DISP3: variants seen among roughly 807,000 people sequenced by gnomAD.
DISP3 encodes the protein dispatched RND transporter family member 3.
Under a neutral mutation model 135.3 loss-of-function variants are expected in DISP3, and 101 were observed. The ratio of observed to expected loss-of-function variants is 0.75; its 90% CI spans 0.64 to 0.88. The LOEUF (loss-of-function observed/expected upper bound fraction) is 0.88. DISP3 is among the 40% of genes least tolerant of loss of function. The pLI, the probability that DISP3 is intolerant of heterozygous loss-of-function variation, is 0.00. For missense variants in DISP3, 1,713 were observed against 1,878.6 expected, an observed-to-expected ratio of 0.91 and a Z score of 1.63; for synonymous variants, 856 against 817.0, an observed-to-expected ratio of 1.05 and a Z score of -0.81.
intron 3 of DISP3, among the ~76,000 whole-genome samples, chr1:11,513,888 G>T (rs1403789421): frequency 6.6e-6 from 1 of 151,466 alleles, no homozygotes; most frequent in Non-Finnish European, 1.5e-5. Flanking sequence ...CTCCATCTTG[G>T]CCAGAAGCAG....
At chr1:11,518,900 A>G (rs1052645327) in intron 7 of DISP3, among the ~76,000 whole-genome samples, 2 of 152,152 alleles carry the variant, frequency 1.3e-5, no homozygotes, top group African/African-American at 4.8e-5. Context: ...TCTGGTGCCC[A>G]GTCCCTAGGT....
chr1:11,512,989 C>T (rs190818978), intron 3 of DISP3, among the ~76,000 whole-genome samples: 9 of 152,186 alleles, frequency 5.9e-5, no homozygotes, highest in African/African-American at 9.6e-5. Flanking sequence ...AAGTCTAGCA[C>T]GGGAAAGACC....
At chr1:11,526,201 G>A (rs897761536) in intron 12 of DISP3, among the ~76,000 whole-genome samples, 3 of 152,160 alleles carry the variant, frequency 2.0e-5, no homozygotes, top group African/African-American at 7.2e-5. Context: ...TCAGCTTCGT[G>A]CGTGGCTGAC....
rs768397889 is a variant in DISP3, at chr1:11,501,367, G to A, written c.375G>A (p.Ala125=). Residue 125 remains alanine, a synonymous_variant, in exon 2 of 21, where the codon GCG becomes GCA. Transcript: ENST00000294484. The surrounding 1 kb of genome is among the most constrained non-coding windows in gnomAD (Gnocchi z 4.9). ...ASQRFDALTL[A]LKSQFGSWGR... The stretch of plus-strand genomic sequence containing the variant: ...AGCGTTTCGACGCTCTCACTCTGGC[G>A]CTTAAGTCCCAGTTTGGATCCTGGG... 6.2e-6 allele frequency: 10 copies of A among 1,611,038 alleles called. No individual in the cohort carries two copies. In the South Asian group the frequency reaches 9.9e-5, roughly 16 times the overall value.
At chr1:11,497,889 C>G (rs1206666814) in intron 1 of DISP3, among the ~76,000 whole-genome samples, 1 of 152,194 alleles carries the variant, frequency 6.6e-6, no homozygotes, top group Non-Finnish European at 1.5e-5. Flanking sequence ...TCATCGGAGA[C>G]TCCTTTTCCT....
At chr1:11,510,542 T>C (rs1641829306) in intron 3 of DISP3, among the ~76,000 whole-genome samples, 7 of 152,212 alleles carry the variant, frequency 4.6e-5, no homozygotes, top group Admixed American at 6.5e-5. Flanking sequence ...GTTTAAACTG[T>C]CAATTATCTT....
At position 11,533,841 on chromosome 1, in the gene DISP3, T is replaced by TC. The variant is rs569785391; in HGVS notation, c.3376-539dup. On this transcript the variant is annotated intron_variant, in intron 17 of 20. Transcript: ENST00000294484. ...TTTTAGAGCAGGGTGAGTGCCTATT[T>TC]CTCTCATTCATCATCCATGAGCACC... is the stretch of plus-strand genomic sequence containing the variant. 2.0e-4 allele frequency: 143 copies of TC among 717,834 alleles called. 1 individual carries two copies. The East Asian group carries it at 3.8e-3, about 19-fold the overall frequency. 44.5% of individuals were successfully genotyped at this position (717,834 alleles called of 1,614,324 possible). A position where few individuals can be genotyped will look rare whatever the true frequency, so the allele number is the denominator to read the frequency against.
Position 11,499,527 on chromosome 1 carries a change from A to T in DISP3, c.-3-1463A>T, listed in dbSNP as rs1279133032. ...TCGTGTTAGGGCGTTGCAAATGGGA[A>T]GTTTAATTATTTCATTAATACGAAT... On this transcript the variant is annotated intron_variant, in intron 1 of 20. Transcript: ENST00000294484. This position sits in a 1 kb window ranked among gnomAD's most constrained non-coding sequence, Gnocchi z 5.2. Among the ~76,000 whole-genome samples, 1 of 152,114 alleles carries T rather than the reference A, an allele frequency of 6.6e-6. No homozygotes were observed. The highest frequency in any genetic ancestry group is 1.5e-5 in the Non-Finnish European group (1 of 68,034).
intron 3 of DISP3, 31 bp downstream of exon 3, chr1:11,502,928 A>C (rs373705516): frequency 6.4e-7 from 1 of 1,556,444 alleles, no homozygotes; most frequent in Non-Finnish European, 8.8e-7. Flanking sequence ...CTGTGTGTGC[A>C]TGCCCATTTT....
intron 1 of DISP3, among the ~76,000 whole-genome samples, chr1:11,485,839 G>A (rs1641023769): frequency 6.6e-6 from 1 of 152,202 alleles, no homozygotes; most frequent in Non-Finnish European, 1.5e-5. Context: ...AGTGCAGAGA[G>A]TCTAAGCAGC....
intron 1 of DISP3, among the ~76,000 whole-genome samples, chr1:11,480,043 A>G (rs1640851741): frequency 6.6e-6 from 1 of 152,176 alleles, no homozygotes; most frequent in Non-Finnish European, 1.5e-5. Flanking sequence ...GGGTCGGGAA[A>G]GATTCCCAGC....
At position 11,524,033 on chromosome 1, in the gene DISP3, C is replaced by A. The variant is rs1378185662; in HGVS notation, c.2454C>A (p.Ser818Arg). 6.2e-7 allele frequency: 1 copy of A among 1,612,502 alleles called. No homozygotes were observed. The highest frequency in any genetic ancestry group is 1.3e-5 in the African/African-American group (1 of 74,836). The stretch of plus-strand genomic sequence containing the variant: ...GAGGCTCAGGGGTCCCCTGGGCTAG[C>A]CGGCCTGAGGCCACCCTGCAGGGTG... ...KRRGSGVPWA[S>R]RPEATLQDFP... The change falls in exon 11 of 21, where the codon AGC (serine) becomes AGA (arginine). Residue 818 changes from serine (S) to arginine (R), a missense_variant. Physicochemically the swap from Ser to Arg is moderately radical, Grantham distance 110. Transcript: ENST00000294484.
chr1:11,517,657 A>C, intron 7 of DISP3, 55 bp downstream of exon 7: 2 of 1,595,806 alleles, frequency 1.3e-6, no homozygotes, highest in Non-Finnish European at 1.7e-6. Context: ...GGCCTCTATG[A>C]GCCACTCAGT....
chr1:11,528,184 G>A (rs1019710067), intron 13 of DISP3, among the ~76,000 whole-genome samples: 2 of 152,216 alleles, frequency 1.3e-5, no homozygotes, highest in Non-Finnish European at 2.9e-5. Context: ...TGCCCCTTCT[G>A]CTGGAAGGAG....
Position 11,529,706 on chromosome 1 carries a change from G to A in DISP3, c.2929+20G>A. 1 of 1,601,654 alleles carries A rather than the reference G, an allele frequency of 6.2e-7. No homozygotes were observed. Among genetic ancestry groups the A allele is most frequent in the South Asian group, 1.1e-5 (1 of 90,646 alleles). On this transcript the variant is annotated intron_variant, in intron 14 of 20. Coordinates refer to ENST00000294484, the MANE Select transcript of DISP3 (RefSeq NM_020780.2). The surrounding 1 kb of genome is among the most constrained non-coding windows in gnomAD (Gnocchi z 4.7). ...AGAAAGGTACGGCAAGGGCACACAG[G>A]TGGGGACCTCAAGAGCTGAGACCTC...
intron 7 of DISP3, among the ~76,000 whole-genome samples, chr1:11,518,166 T>G (rs1642066464): frequency 6.6e-6 from 1 of 151,924 alleles, no homozygotes; most frequent in Non-Finnish European, 1.5e-5. Flanking sequence ...CAGGCCTGGG[T>G]GGCTGCCTGG....
chr1:11,516,490 C>T lies in DISP3; in HGVS notation c.1749+329C>T, dbSNP rs1238172909. Reference sequence around the variant, plus strand: ...AATTGACAAAGGTACAATTACCATCCTATTTTCCAAAAAAGAAACTTGGCC... The same window carrying T: ...AATTGACAAAGGTACAATTACCATCTTATTTTCCAAAAAAGAAACTTGGCC... On this transcript the variant is annotated intron_variant, in intron 6 of 20. Coordinates refer to ENST00000294484, the MANE Select transcript of DISP3 (RefSeq NM_020780.2). This position sits in a 1 kb window ranked among gnomAD's most constrained non-coding sequence, Gnocchi z 5.1. Among the ~76,000 whole-genome samples, 3 of 152,166 alleles carry T rather than the reference C, an allele frequency of 2.0e-5. No individual in the cohort carries two copies. The highest frequency in any genetic ancestry group is 4.1e-4 in the South Asian group (2 of 4,828).
Position 11,519,848 on chromosome 1 carries a change from G to A in DISP3, c.2168G>A (p.Trp723Ter). ...LQELLHHWVL[W>*]SAVKSRWVIV... is the part of the protein sequence containing the mutation. Reference sequence around the variant, plus strand: ...GAGCTGCTGCACCACTGGGTCCTGTGGTCAGCCGTCAAGAGCCGCTGGGTG... The same window carrying A: ...GAGCTGCTGCACCACTGGGTCCTGTAGTCAGCCGTCAAGAGCCGCTGGGTG... Residue 723 changes from tryptophan to a stop codon, truncating the protein, a stop_gained, in exon 9 of 21, where the codon TGG becomes TAG. Transcript: ENST00000294484. LOFTEE classifies it high-confidence loss of function. This position sits in a 1 kb window ranked among gnomAD's most constrained non-coding sequence, Gnocchi z 4.3. 1 of 1,611,870 alleles carries A rather than the reference G, an allele frequency of 6.2e-7. No homozygotes were observed. The highest frequency in any genetic ancestry group is 8.5e-7 in the Non-Finnish European group (1 of 1,179,858).
At position 11,515,570 on chromosome 1, in the gene DISP3, C is replaced by T. The variant is rs961528331; in HGVS notation, c.1588+67C>T. ...GGAAGTCTGCCCCATCCCCTTTCTCCCTGGATACAAAGCCTGGCTTCCCTG... is the reference window on the plus strand; with the variant it reads ...GGAAGTCTGCCCCATCCCCTTTCTCTCTGGATACAAAGCCTGGCTTCCCTG... On this transcript the variant is annotated intron_variant, in intron 5 of 20. Transcript: ENST00000294484. 5.2e-6 allele frequency: 8 copies of T among 1,540,792 alleles called. No homozygotes were observed. In the African/African-American group the frequency reaches 9.7e-5, roughly 19 times the overall value.
Sources: gnomAD v4.1 joint callset for allele counts (sites outside exome capture counted in the v4.1 genomes callset) on GRCh38, gnomAD v4.1.1 for gene constraint, Gnocchi (gnomAD v3.1) non-coding constraint, MANE v1.5 for transcripts, NCBI Gene and HGNC (gene_info 2026-07-23, HGNC 2026-07-21) for gene names.